Variants in ZNF469 observed in about 807,000 individuals in gnomAD.
ZNF469 encodes the protein zinc finger protein 469.
Under a neutral mutation model 1.0 loss-of-function variants are expected in ZNF469, and 1 was observed. That is an observed-to-expected ratio of 1.00 (90% CI 0.35 to 4.73). ZNF469 has a LOEUF of 4.73. Ranked by LOEUF, ZNF469 falls within the 30% of genes most tolerant of loss-of-function variation. ZNF469 has a pLI of 0.16. For missense variants in ZNF469, 6,100 were observed against 5,356.3 expected (o/e 1.14, Z -4.33); for synonymous variants, 2,703 against 2,363.4 (o/e 1.14, Z -4.17).
the ZNF469 span, among the ~76,000 whole-genome samples, chr16:88,134,494 G>C: frequency 6.6e-6 from 1 of 152,226 alleles, no homozygotes; most frequent in Non-Finnish European, 1.5e-5. Flanking sequence ...AATGAGCCGT[G>C]TTGCAATGCA....
intron 2 of ZNF469, among the ~76,000 whole-genome samples, chr16:88,426,312 G>C (rs1905697689): frequency 6.6e-6 from 1 of 152,266 alleles, no homozygotes; most frequent in South Asian, 2.1e-4. Flanking sequence ...ATGCCTGCAA[G>C]GGCTGAGCCC....
the ZNF469 span, among the ~76,000 whole-genome samples, chr16:88,289,700 G>GTGCGT: frequency 6.6e-6 from 1 of 152,208 alleles, no homozygotes; most frequent in African/African-American, 2.4e-5. Flanking sequence ...CAGAGAGAGG[G>GTGCGT]TGCGTAGGAG....
Position 88,435,897 on chromosome 16 carries a change from G to A in ZNF469, c.8427G>A (p.Pro2809=), listed in dbSNP as rs922687162. 43 of 1,549,970 alleles carry A rather than the reference G, an allele frequency of 2.8e-5. No homozygotes were observed. The African/African-American group carries it at 2.9e-4, about 10-fold the overall frequency. The change falls in exon 3 of 3, where the codon CCG becomes CCA. Residue 2809 remains proline, a synonymous_variant. Coordinates refer to ENST00000565624, the MANE Select transcript of ZNF469 (RefSeq NM_001367624.2). ...PLGFPETSSS[P]ADSTTSSCLQ... is the part of the protein sequence containing the mutation. ...GTTTTCCCGAGACTTCCAGCTCTCC[G>A]GCGGACAGCACCACCAGCAGCTGCC... is the stretch of plus-strand genomic sequence containing the variant.
At chr16:88,321,994 C>T in the ZNF469 span, among the ~76,000 whole-genome samples, 1 of 152,228 alleles carries the variant, frequency 6.6e-6, no homozygotes, top group Non-Finnish European at 1.5e-5. Flanking sequence ...CTAGGACAGG[C>T]CCTGGCGAGA....
chr16:88,431,697 G>A lies in ZNF469; in HGVS notation c.4227G>A (p.Pro1409=), dbSNP rs371897217. 1.1e-3 allele frequency: 1,730 copies of A among 1,550,396 alleles called. 22 individuals carry two copies. The South Asian group carries it at 0.015, about 14-fold the overall frequency. ...AGCCCTCAGCCAGGGATGCCCCGCC[G>A]GCCAGCAGCTCCTGCCTTTGCCAGG... The part of the protein sequence containing the change: ...HPKPSARDAP[P]ASSSCLCQDG... Residue 1409 remains proline, a synonymous_variant, in exon 3 of 3, where the codon CCG becomes CCA. Coordinates refer to ENST00000565624, the MANE Select transcript of ZNF469 (RefSeq NM_001367624.2).
the ZNF469 span, among the ~76,000 whole-genome samples, chr16:88,341,266 C>T: frequency 6.6e-6 from 1 of 152,172 alleles, no homozygotes; most frequent in East Asian, 1.9e-4. Flanking sequence ...ATGCTGGGGG[C>T]CTGTACAGGG....
At chr16:88,192,924 GA>G in the ZNF469 span, among the ~76,000 whole-genome samples, 4 of 152,218 alleles carry the variant, frequency 2.6e-5, no homozygotes, top group African/African-American at 7.2e-5. Context: ...TGATGGTGAT[GA>G]TGGTGATAGT....
At chr16:88,348,212 A>C in the ZNF469 span, among the ~76,000 whole-genome samples, 2 of 152,178 alleles carry the variant, frequency 1.3e-5, no homozygotes, top group Non-Finnish European at 2.9e-5. Flanking sequence ...AAGGTGGCTC[A>C]GGGCCGCCTT....
At chr16:88,150,919 G>T in the ZNF469 span, among the ~76,000 whole-genome samples, 1 of 152,162 alleles carries the variant, frequency 6.6e-6, no homozygotes, top group East Asian at 1.9e-4. Context: ...AGAGGCAGGG[G>T]TTTGAATTCC....
chr16:88,187,715 A>ATTTTT, the ZNF469 span, among the ~76,000 whole-genome samples: 3 of 140,204 alleles, frequency 2.1e-5, no homozygotes, highest in African/African-American at 2.6e-5. Context: ...GATTGCCTGC[A>ATTTTT]TTTTTTTTTT....
At chr16:88,377,841 C>T in the ZNF469 span, among the ~76,000 whole-genome samples, 1 of 152,178 alleles carries the variant, frequency 6.6e-6, no homozygotes, top group Admixed American at 6.5e-5. Context: ...ATGTATTCAT[C>T]CCCACTTTCG....
At position 88,434,113 on chromosome 16, in the gene ZNF469, C is replaced by T; in HGVS notation, c.6643C>T (p.Leu2215Phe). The T allele has an allele frequency of 5.8e-6, 9 of 1,550,398 alleles. No individual in the cohort carries two copies. The highest frequency in any genetic ancestry group is 7.8e-6 in the Non-Finnish European group (9 of 1,146,958). ...CAAGGAAGCCCTGGCTGGTTGCCTT[C>T]TCCAGGGGGAGGGCAGCCCCCTGGA... ...DPKEALAGCL[L>F]QGEGSPLEDP... is the part of the protein sequence containing the mutation. Residue 2215 changes from leucine (L) to phenylalanine (F), a missense_variant, in exon 3 of 3, where the codon CTC becomes TTC. Coordinates refer to ENST00000565624, the MANE Select transcript of ZNF469 (RefSeq NM_001367624.2).
At chr16:88,316,988 C>G in the ZNF469 span, among the ~76,000 whole-genome samples, 1 of 152,214 alleles carries the variant, frequency 6.6e-6, no homozygotes, top group Non-Finnish European at 1.5e-5. Flanking sequence ...CTGACCTCGG[C>G]ATTCTCCCTC....
chr16:88,239,699 A>T, the ZNF469 span, among the ~76,000 whole-genome samples: 2 of 12,220 alleles, frequency 1.6e-4, no homozygotes, highest in African/African-American at 6.6e-4. Context: ...ATATATATAT[A>T]TATATATATA....
the ZNF469 span, among the ~76,000 whole-genome samples, chr16:88,210,067 G>A: frequency 5.9e-5 from 9 of 152,198 alleles, no homozygotes; most frequent in South Asian, 2.1e-4. Context: ...TCTCAGTGAC[G>A]CTGCTACATT....
At chr16:88,161,318 C>T in the ZNF469 span, among the ~76,000 whole-genome samples, 5 of 152,046 alleles carry the variant, frequency 3.3e-5, no homozygotes, top group Admixed American at 3.3e-4. Flanking sequence ...GAAATATTCT[C>T]CCTAAACGGC....
the ZNF469 span, among the ~76,000 whole-genome samples, chr16:88,247,873 T>C: frequency 0.083 from 12,584 of 152,286 alleles, 1,712 homozygotes; most frequent in African/African-American, 0.29. Flanking sequence ...CCAGCTCCCA[T>C]GGTTGGGTCA....
At chr16:88,234,103 C>T in the ZNF469 span, among the ~76,000 whole-genome samples, 1 of 152,204 alleles carries the variant, frequency 6.6e-6, no homozygotes, top group African/African-American at 2.4e-5. Flanking sequence ...GACTTCTGAA[C>T]CCAGAGGAGA....
chr16:88,391,658 G>T (rs1166295966), intron 1 of ZNF469, among the ~76,000 whole-genome samples: 2 of 152,232 alleles, frequency 1.3e-5, no homozygotes, highest in African/African-American at 2.4e-5. Context: ...AGGAGGCGGC[G>T]GGGAGCAGTG....
Sources: gnomAD v4.1 joint callset for allele counts (sites outside exome capture counted in the v4.1 genomes callset) on GRCh38, gnomAD v4.1.1 for gene constraint, MANE v1.5 for transcripts, NCBI Gene and HGNC (gene_info 2026-07-23, HGNC 2026-07-21) for gene names.